The following HCN3 variants were observed in gnomAD, a reference collection of about 807,000 sequenced individuals.
HCN3 encodes potassium/sodium hyperpolarization-activated cyclic nucleotide-gated channel 3.
In HCN3, 36 loss-of-function variants were observed where a neutral mutation model predicts 56.8. The observed-to-expected ratio is 0.63, with a 90% CI of 0.49 to 0.84. The LOEUF is 0.84. Ranked by LOEUF, HCN3 falls within the 40% of genes least tolerant of loss-of-function variation. The probability of loss-of-function intolerance (pLI) is 0.00; values close to 1 mark genes in which losing one functional copy is unlikely to be tolerated. For synonymous variants in HCN3, 425 were observed against 439.7 expected, an observed-to-expected ratio of 0.97 and a Z score of 0.42; for missense variants, 930 against 1,079.3, an observed-to-expected ratio of 0.86 and a Z score of 1.94.
Position 155,280,133 on chromosome 1 carries a change from C to T in HCN3, c.278+2265C>T, listed in dbSNP as rs182947611. On this transcript the variant is annotated intron_variant, in intron 1 of 7. Transcript: ENST00000368358. The stretch of plus-strand genomic sequence containing the variant: ...GGCTAATTTTTGTATTTTTAGTAGA[C>T]GTGGGGTTTCACCATTTTGTCCAGG... Among the ~76,000 whole-genome samples, 343 of 151,404 alleles carry T rather than the reference C, an allele frequency of 2.3e-3. 1 individual carries two copies. Among genetic ancestry groups the T allele is most frequent in the African/African-American group, 7.9e-3 (328 of 41,270 alleles).
chr1:155,278,501 AG>A (rs1490555143), intron 1 of HCN3: 1 of 154,366 alleles, frequency 6.5e-6, no homozygotes, highest in East Asian at 1.9e-4. Flanking sequence ...GAAGGAACAG[AG>A]GGTGGGGGTG....
At position 155,285,436 on chromosome 1, in the gene HCN3, C is replaced by A; in HGVS notation, c.1236+125C>A. ...GGCCTGCAGAGGGCCCCGTGGGAGG[C>A]CAGGTATTTGGGCTTTCAGGGGCTA... On this transcript the variant is annotated intron_variant, in intron 5 of 7. Transcript: ENST00000368358. The surrounding 1 kb of genome is among the most constrained non-coding windows in gnomAD (Gnocchi z 4.5). 1 of 1,315,904 alleles carries A rather than the reference C, an allele frequency of 7.6e-7. No individual in the cohort carries two copies. Among genetic ancestry groups the A allele is most frequent in the Non-Finnish European group, 1.0e-6 (1 of 971,758 alleles). The allele number at this position is 1,315,904 out of a possible 1,614,324, so 81.5% of individuals were successfully genotyped here.
At chr1:155,281,332 G>T (rs1674040122) in intron 1 of HCN3, among the ~76,000 whole-genome samples, 1 of 151,914 alleles carries the variant, frequency 6.6e-6, no homozygotes, top group South Asian at 2.1e-4. Flanking sequence ...GCCTCCCAAA[G>T]TGCTGGGATT....
At chr1:155,281,863 C>A (rs184724236) in intron 1 of HCN3, among the ~76,000 whole-genome samples, 9 of 152,124 alleles carry the variant, frequency 5.9e-5, no homozygotes, top group Non-Finnish European at 1.3e-4. Flanking sequence ...GTAGCTGGGA[C>A]TTTAGGTGTG....
chr1:155,285,675 A>G lies in HCN3; in HGVS notation c.1237-49A>G, dbSNP rs1033228902. ...GGAAGCGGATGAGCTCGGTGGGATC[A>G]TCTCAGGTCAGGGGCACAGCCTGCC... On this transcript the variant is annotated intron_variant, in intron 5 of 7. Transcript: ENST00000368358. This position sits in a 1 kb window ranked among gnomAD's most constrained non-coding sequence, Gnocchi z 4.5. 4 of 1,605,128 alleles carry G rather than the reference A, an allele frequency of 2.5e-6. No homozygotes were observed. In the African/African-American group the frequency reaches 5.4e-5, roughly 21 times the overall value.
rs200418562 is a variant in HCN3, at chr1:155,287,353, C to G, written c.1642+16C>G. Reference sequence around the variant, plus strand: ...CTCCGCATCGGTGAGACCTGTCCACCCCATCTGCTCTGGGTCCAGACTGTG... The same window carrying G: ...CTCCGCATCGGTGAGACCTGTCCACGCCATCTGCTCTGGGTCCAGACTGTG... On this transcript the variant is annotated intron_variant, in intron 7 of 7. Coordinates refer to ENST00000368358, the MANE Select transcript of HCN3 (RefSeq NM_020897.3). 20 of 1,613,222 alleles carry G rather than the reference C, an allele frequency of 1.2e-5. No individual in the cohort carries two copies. The Admixed American group carries it at 2.7e-4, about 22-fold the overall frequency.
In HCN3 at chr1:155,285,221, GC is replaced by G; in HGVS notation, c.1147del (p.Arg383AlafsTer24). On this transcript the variant is annotated frameshift_variant, in exon 5 of 8. Coordinates refer to ENST00000368358, the MANE Select transcript of HCN3 (RefSeq NM_020897.3). LOFTEE classifies it high-confidence loss of function. This position sits in a 1 kb window ranked among gnomAD's most constrained non-coding sequence, Gnocchi z 4.5. Reference protein sequence around the residue: ...FHKLPADTRQRIHEYYEHRYQ... With the variant: ...FHKLPADTRQXIHEYYEHRYQ... ...ACAAGCTGCCAGCAGACACGCGGCA[GC>G]GCATCCACGAGTACTATGAGCACCG... 6.2e-7 allele frequency: 1 copy of G among 1,614,260 alleles called. No individual in the cohort carries two copies. Among genetic ancestry groups the G allele is most frequent in the South Asian group, 1.1e-5 (1 of 91,090 alleles).
chr1:155,279,082 G>T (rs1453880979), intron 1 of HCN3, among the ~76,000 whole-genome samples: 2 of 152,216 alleles, frequency 1.3e-5, no homozygotes, highest in Non-Finnish European at 2.9e-5. Context: ...GAGGGTTTTT[G>T]TTTATTGAAA....
chr1:155,280,629 G>A (rs1188345708), intron 1 of HCN3, among the ~76,000 whole-genome samples: 2 of 150,514 alleles, frequency 1.3e-5, no homozygotes, highest in African/African-American at 2.4e-5. Context: ...TAGTAGAGAT[G>A]GGGTTTCACC....
intron 1 of HCN3, among the ~76,000 whole-genome samples, chr1:155,279,837 CT>C (rs1024837742): frequency 2.5e-4 from 37 of 148,324 alleles, no homozygotes; most frequent in South Asian, 2.1e-4. Flanking sequence ...GATACTTTAG[CT>C]TTTTTTTTTA....
At position 155,285,746 on chromosome 1, in the gene HCN3, G is replaced by A. The variant is rs893819521; in HGVS notation, c.1259G>A (p.Arg420Gln). ...CAGGAGATCATTAACTTCACCTGTC[G>A]GGGCCTGGTGGCCCACATGCCGCTG... ...LREEIINFTC[R>Q]GLVAHMPLFA... The change falls in exon 6 of 8, where the codon CGG (arginine) becomes CAG (glutamine). Residue 420 changes from arginine (R) to glutamine (Q), a missense_variant. Physicochemically the swap from Arg to Gln is conservative, Grantham distance 43. Coordinates refer to ENST00000368358, the MANE Select transcript of HCN3 (RefSeq NM_020897.3). This position sits in a 1 kb window ranked among gnomAD's most constrained non-coding sequence, Gnocchi z 4.5. The A allele has an allele frequency of 2.8e-5, 45 of 1,614,032 alleles. No homozygotes were observed. Among genetic ancestry groups the A allele is most frequent in the Non-Finnish European group, 3.6e-5 (42 of 1,180,020 alleles).
At position 155,282,990 on chromosome 1, in the gene HCN3, G is replaced by A. The variant is rs1674134085; in HGVS notation, c.708+150G>A. 15 of 791,612 alleles carry A rather than the reference G, an allele frequency of 1.9e-5. No homozygotes were observed. In the East Asian group the frequency reaches 3.0e-4, roughly 16 times the overall value. 49.0% of individuals were successfully genotyped at this position (791,612 alleles called of 1,614,324 possible). On this transcript the variant is annotated intron_variant, in intron 2 of 7. Coordinates refer to ENST00000368358, the MANE Select transcript of HCN3 (RefSeq NM_020897.3). This position sits in a 1 kb window ranked among gnomAD's most constrained non-coding sequence, Gnocchi z 4.7. ...GGGAAGATGGGTGGGGCTTCCGTGC[G>A]TGAGCTCTCTCCAAAACTGGTGGGG... is the stretch of plus-strand genomic sequence containing the variant.
rs1674198293 is a variant in HCN3 at position 155,284,545 on chromosome 1, T to G, written c.877T>G (p.Ser293Ala). ...AATATACTCTGCCCCTCAGAACCAC[T>G]CGTGGGGCCGCCAGTATTCCCATGC... Reference protein sequence around the residue: ...WVSINHMVNHSWGRQYSHALF... With the variant: ...WVSINHMVNHAWGRQYSHALF... The change falls in exon 4 of 8, where the codon TCG becomes GCG. Residue 293 changes from serine to alanine, a missense_variant. Ser to Ala is a moderately conservative substitution (Grantham distance 99). Transcript: ENST00000368358. This position sits in a 1 kb window ranked among gnomAD's most constrained non-coding sequence, Gnocchi z 4.3. 6.2e-7 allele frequency: 1 copy of G among 1,611,804 alleles called. No homozygotes were observed. The highest frequency in any genetic ancestry group is 8.5e-7 in the Non-Finnish European group (1 of 1,179,472).
chr1:155,280,811 A>G (rs1379642143), intron 1 of HCN3, among the ~76,000 whole-genome samples: 4 of 108,454 alleles, frequency 3.7e-5, no homozygotes, highest in East Asian at 3.2e-4. Flanking sequence ...CTGGAGTGCA[A>G]TGGCGCAATC....
chr1:155,287,418 G>C, intron 7 of HCN3, 81 bp downstream of exon 7: 1 of 1,527,644 alleles, frequency 6.5e-7, no homozygotes, highest in Non-Finnish European at 9.0e-7. Context: ...CAGGCTTTAG[G>C]GCTCCAGGGT....
In HCN3 at chr1:155,284,322, G is replaced by C; in HGVS notation, c.870+187G>C. The C allele has an allele frequency of 1.2e-6, 1 of 841,230 alleles. No homozygotes were observed. Among genetic ancestry groups the C allele is most frequent in the South Asian group, 1.8e-5 (1 of 55,338 alleles). 52.1% of individuals were successfully genotyped at this position (841,230 alleles called of 1,614,324 possible). On this transcript the variant is annotated intron_variant, in intron 3 of 7. Coordinates refer to ENST00000368358, the MANE Select transcript of HCN3 (RefSeq NM_020897.3). The surrounding 1 kb of genome is among the most constrained non-coding windows in gnomAD (Gnocchi z 4.3). ...AAGTGCTCGTGTGTTGGAGGGAGCA[G>C]GCAAAGGAAGGGTACCTACCCGGAA...
chr1:155,278,870 C>T (rs1205259722), intron 1 of HCN3, among the ~76,000 whole-genome samples: 7 of 152,156 alleles, frequency 4.6e-5, no homozygotes, highest in Non-Finnish European at 8.8e-5. Context: ...CACTCGCAGA[C>T]GGATCCCCAG....
At chr1:155,287,430 A>G in intron 7 of HCN3, 93 bp downstream of exon 7, 5 of 1,447,394 alleles carry the variant, frequency 3.5e-6, no homozygotes, top group Non-Finnish European at 3.8e-6. Context: ...CTCCAGGGTC[A>G]TATCCCAATC....
rs150001593 is a variant in HCN3, at chr1:155,285,831, C to G, written c.1344C>G (p.Val448=). The G allele has an allele frequency of 2.6e-5, 42 of 1,614,206 alleles. No individual in the cohort carries two copies. The African/African-American group carries it at 4.7e-4, about 18-fold the overall frequency. Residue 448 remains valine, a synonymous_variant, in exon 6 of 8, where the codon GTC becomes GTG. Coordinates refer to ENST00000368358, the MANE Select transcript of HCN3 (RefSeq NM_020897.3). The surrounding 1 kb of genome is among the most constrained non-coding windows in gnomAD (Gnocchi z 4.5). ...TTCTCACCAAGCTGCGCTTTGAGGT[C>G]TTCCAGCCGGGGGATCTCGTGGTGC... is the stretch of plus-strand genomic sequence containing the variant. ...TAVLTKLRFE[V]FQPGDLVVRE...
Sources: gnomAD v4.1 joint callset for allele counts (sites outside exome capture counted in the v4.1 genomes callset) on GRCh38, gnomAD v4.1.1 for gene constraint, Gnocchi (gnomAD v3.1) non-coding constraint, MANE v1.5 for transcripts, NCBI Gene and HGNC (gene_info 2026-07-23, HGNC 2026-07-21) for gene names.